The following GMDS variants were observed in gnomAD, a reference collection of about 807,000 sequenced individuals.
GMDS encodes the protein GDP-mannose 4,6-dehydratase, also known as GDP-mannose 4,6 dehydratase.
In GMDS, 20 loss-of-function variants were observed where a neutral mutation model predicts 49.9. That is an observed-to-expected ratio of 0.40 (90% CI 0.28 to 0.58). The LOEUF (loss-of-function observed/expected upper bound fraction) is 0.58. GMDS is among the 20% of genes least tolerant of loss of function. The pLI is 0.42. For missense variants in GMDS, 362 were observed against 481.4 expected, an observed-to-expected ratio of 0.75 and a Z score of 2.32; for synonymous variants, 177 against 178.6, an observed-to-expected ratio of 0.99 and a Z score of 0.07.
At chr6:2,147,375 G>C (rs1776611234) in intron 1 of GMDS, among the ~76,000 whole-genome samples, 2 of 152,120 alleles carry the variant, frequency 1.3e-5, no homozygotes, top group Admixed American at 6.5e-5. Context: ...TACACGTTTA[G>C]CGTCCCTAAT....
At chr6:2,137,679 T>C (rs1410637780) in intron 1 of GMDS, among the ~76,000 whole-genome samples, 2 of 152,204 alleles carry the variant, frequency 1.3e-5, no homozygotes, top group Admixed American at 1.3e-4. Context: ...GTGCCCCTTT[T>C]TGTTTCAACA....
intron 9 of GMDS, among the ~76,000 whole-genome samples, chr6:1,657,092 T>C (rs1763907202): frequency 6.6e-6 from 1 of 152,212 alleles, no homozygotes; most frequent in African/African-American, 2.4e-5. Flanking sequence ...AGGATGACCA[T>C]TGGCTCCTTG....
At chr6:2,052,116 C>CAAAAAAAAAAAAAAAAAAAAAAAAAAA (rs1285013159) in intron 4 of GMDS, among the ~76,000 whole-genome samples, 28 of 43,574 alleles carry the variant, frequency 6.4e-4, no homozygotes, top group Middle Eastern at 0.011. Flanking sequence ...GACTCTGTCT[C>CAAAAAAAAAAAAAAAAAAAAAAAAAAA]AAAAAAAAAA....
rs975050306 is a variant in GMDS at position 2,075,429 on chromosome 6, C to T, written c.345+40342G>A. On this transcript the variant is annotated intron_variant, in intron 4 of 10. Transcript: ENST00000380815. ...AATGCTATCCCTCCCCACAACAGGCCCTGGTGTGTGATGTTCCTCTTCCTG... is the reference window on the plus strand; with the variant it reads ...AATGCTATCCCTCCCCACAACAGGCTCTGGTGTGTGATGTTCCTCTTCCTG... Among the ~76,000 whole-genome samples, 4 of 152,022 alleles carry T rather than the reference C, an allele frequency of 2.6e-5. No individual in the cohort carries two copies. The East Asian group carries it at 7.7e-4, about 29-fold the overall frequency.
chr6:2,047,857 T>C (rs1770118554), intron 4 of GMDS, among the ~76,000 whole-genome samples: 1 of 152,216 alleles, frequency 6.6e-6, no homozygotes, highest in African/African-American at 2.4e-5. Flanking sequence ...TTAAATGCAC[T>C]GTCACCATTT....
At chr6:1,741,553 G>T (rs529923162) in intron 8 of GMDS, among the ~76,000 whole-genome samples, 1 of 152,018 alleles carries the variant, frequency 6.6e-6, no homozygotes, top group African/African-American at 2.4e-5. Context: ...GTTCATGCCT[G>T]TAATCCCAGC....
At chr6:2,107,197 A>G (rs1264889088) in intron 4 of GMDS, among the ~76,000 whole-genome samples, 1 of 152,248 alleles carries the variant, frequency 6.6e-6, no homozygotes, top group Non-Finnish European at 1.5e-5. Flanking sequence ...ACCTAGCTCT[A>G]ATAAAACAGA....
intron 1 of GMDS, among the ~76,000 whole-genome samples, chr6:2,212,380 C>T (rs187179257): frequency 4.6e-5 from 7 of 152,030 alleles, no homozygotes; most frequent in South Asian, 2.1e-4. Context: ...CTTCAAGCAG[C>T]GAGCATTGCA....
intron 4 of GMDS, among the ~76,000 whole-genome samples, chr6:2,094,648 T>G (rs1773494507): frequency 6.6e-6 from 1 of 152,114 alleles, no homozygotes; most frequent in Non-Finnish European, 1.5e-5. Flanking sequence ...GCATATTTGG[T>G]GCAGTTTAGG....
chr6:2,053,235 T>C (rs1770553672), intron 4 of GMDS, among the ~76,000 whole-genome samples: 1 of 152,134 alleles, frequency 6.6e-6, no homozygotes, highest in African/African-American at 2.4e-5. Context: ...AAATGGTAAA[T>C]ATATAACGAT....
At chr6:2,049,739 C>T (rs114606943) in intron 4 of GMDS, among the ~76,000 whole-genome samples, 320 of 152,288 alleles carry the variant, frequency 2.1e-3, no homozygotes, top group African/African-American at 7.1e-3. Flanking sequence ...CAAAACCGCA[C>T]AACAACATGG....
At chr6:2,168,276 C>T (rs777768605) in intron 1 of GMDS, among the ~76,000 whole-genome samples, 5 of 152,214 alleles carry the variant, frequency 3.3e-5, no homozygotes, top group East Asian at 1.9e-4. Flanking sequence ...GAAGGGTGAG[C>T]GTGAAGCTTG....
chr6:1,983,510 T>A (rs1165939641), intron 4 of GMDS, among the ~76,000 whole-genome samples: 1 of 151,848 alleles, frequency 6.6e-6, no homozygotes, highest in Non-Finnish European at 1.5e-5. Context: ...CATCATCCAT[T>A]AGGAACTTAA....
At chr6:1,735,194 C>A (rs1322638583) in intron 8 of GMDS, among the ~76,000 whole-genome samples, 3 of 151,426 alleles carry the variant, frequency 2.0e-5, no homozygotes, top group African/African-American at 7.3e-5. Context: ...TGTTCTGGGC[C>A]ATCTGCATCT....
chr6:1,997,234 G>A (rs752754328), intron 4 of GMDS, among the ~76,000 whole-genome samples: 8 of 152,096 alleles, frequency 5.3e-5, no homozygotes, highest in Admixed American at 5.2e-4. Context: ...GACTGGCTGG[G>A]CACGGTGGCT....
Position 1,778,015 on chromosome 6 carries a change from A to G in GMDS, c.772-35429T>C, listed in dbSNP as rs1188748656. On this transcript the variant is annotated intron_variant, in intron 7 of 10. Transcript: ENST00000380815. This position sits in a 1 kb window ranked among gnomAD's most constrained non-coding sequence, Gnocchi z 4.6. ...ATGGAAGAGCTGAATGGAAATTTCA[A>G]TAAAGAGGGCCACAAAGAAGCATTT... is the stretch of plus-strand genomic sequence containing the variant. 6.6e-6 allele frequency among the ~76,000 whole-genome samples: 1 copy of G among 152,222 alleles called. No individual in the cohort carries two copies. Among genetic ancestry groups the G allele is most frequent in the Admixed American group, 6.5e-5 (1 of 15,286 alleles).
intron 7 of GMDS, among the ~76,000 whole-genome samples, chr6:1,898,249 T>C (rs1760319695): frequency 6.6e-6 from 1 of 152,268 alleles, no homozygotes; most frequent in Non-Finnish European, 1.5e-5. Context: ...GCCTTTCCCC[T>C]GGCTTCAGGC....
intron 4 of GMDS, among the ~76,000 whole-genome samples, chr6:2,104,869 C>T (rs1164558080): frequency 6.6e-6 from 1 of 152,048 alleles, no homozygotes; most frequent in Non-Finnish European, 1.5e-5. Flanking sequence ...AAATATCTTG[C>T]CAAATGATAG....
At chr6:2,223,418 GACATGA>G (rs1429234900) in intron 1 of GMDS, among the ~76,000 whole-genome samples, 1 of 151,440 alleles carries the variant, frequency 6.6e-6, no homozygotes, top group Non-Finnish European at 1.5e-5. Context: ...GCGACCATCT[GACATGA>G]TCAGATGGTC....
Sources: allele counts gnomAD v4.1 joint callset (sites outside exome capture counted in the v4.1 genomes callset), GRCh38; gene constraint gnomAD v4.1.1; non-coding constraint Gnocchi (gnomAD v3.1); transcripts MANE v1.5; gene names NCBI Gene and HGNC (gene_info 2026-07-23, HGNC 2026-07-21).